TGFBR3: variants seen among roughly 807,000 people sequenced by gnomAD.
TGFBR3 encodes transforming growth factor beta receptor 3.
Under a neutral mutation model 87.9 loss-of-function variants are expected in TGFBR3, and 46 were observed. That is an observed-to-expected ratio of 0.52 (90% CI 0.41 to 0.67). The LOEUF is 0.67. Among genes scored for constraint, TGFBR3 ranks in the 30% least tolerant of loss-of-function variants. The pLI is 0.00. For synonymous variants in TGFBR3, 381 were observed against 391.6 expected (o/e 0.97, Z 0.32); for missense variants, 866 against 1,041.9 (o/e 0.83, Z 2.32).
chr1:91,852,475 G>T (rs1435394578), intron 2 of TGFBR3, among the ~76,000 whole-genome samples: 1 of 152,218 alleles, frequency 6.6e-6, no homozygotes, highest in Non-Finnish European at 1.5e-5. Context: ...TAATGGAGAA[G>T]GTAGGTGGGG....
intron 4 of TGFBR3, among the ~76,000 whole-genome samples, chr1:91,738,504 C>T (rs1673041890): frequency 6.6e-6 from 1 of 152,116 alleles, no homozygotes; most frequent in Admixed American, 6.5e-5. Context: ...GTGTGTGGCA[C>T]CTCCCCCGAC....
At chr1:91,692,440 G>A (rs974451118) in intron 16 of TGFBR3, among the ~76,000 whole-genome samples, 1 of 151,920 alleles carries the variant, frequency 6.6e-6, no homozygotes, top group Non-Finnish European at 1.5e-5. Flanking sequence ...TAAACTATTT[G>A]CATGTACTAC....
chr1:91,691,974 G>A (rs1022905379), intron 16 of TGFBR3, among the ~76,000 whole-genome samples: 1 of 152,074 alleles, frequency 6.6e-6, no homozygotes, highest in African/African-American at 2.4e-5. Flanking sequence ...CTCCAGCCCG[G>A]GTGACAGAGC....
At chr1:91,800,955 GTA>G (rs1296309986) in intron 2 of TGFBR3, 10 of 201,396 alleles carry the variant, frequency 5.0e-5, no homozygotes, top group South Asian at 1.4e-4. Context: ...TTGGTGGCGT[GTA>G]CCTGTAATCC....
At chr1:91,870,152 A>C (rs1247659796) in intron 1 of TGFBR3, among the ~76,000 whole-genome samples, 2 of 152,208 alleles carry the variant, frequency 1.3e-5, no homozygotes, top group Non-Finnish European at 2.9e-5. Flanking sequence ...GCACACAAAA[A>C]ACCTGAATTT....
At chr1:91,813,285 G>A (rs1286027337) in intron 2 of TGFBR3, among the ~76,000 whole-genome samples, 1 of 152,160 alleles carries the variant, frequency 6.6e-6, no homozygotes, top group African/African-American at 2.4e-5. Flanking sequence ...CACTAAAGGT[G>A]AACTGTTGGG....
intron 6 of TGFBR3, among the ~76,000 whole-genome samples, chr1:91,729,226 C>T (rs1006073192): frequency 9.9e-5 from 14 of 140,808 alleles, no homozygotes; most frequent in African/African-American, 3.8e-4. Context: ...CAAGTTCTAT[C>T]GAATGGCTCT....
rs373312953 is a variant in TGFBR3 at position 91,719,349 on chromosome 1, C to T, written c.1529G>A (p.Arg510Gln). ...SPLNGCGTRP[R>Q]WSALDGVVYY... ...GACCACACCATCAAGGGCTGACCAC[C>T]GGGGCCGAGTACCGCAGCCATTCAG... Residue 510 changes from arginine to glutamine, a missense_variant, in exon 10 of 17, where the codon CGG (arginine) becomes CAG (glutamine). Arg to Gln is a conservative substitution (Grantham distance 43). Transcript: ENST00000212355. The T allele has an allele frequency of 3.8e-5, 61 of 1,614,022 alleles. No homozygotes were observed. The highest frequency in any genetic ancestry group is 2.5e-4 in the African/African-American group (19 of 74,904).
intron 1 of TGFBR3, among the ~76,000 whole-genome samples, chr1:91,875,736 A>AAATTAGCTGGGCATGGTG (rs1678764003): frequency 1.5e-5 from 2 of 133,858 alleles, no homozygotes; most frequent in South Asian, 4.8e-4. Context: ...AAAAATAGAA[A>AAATTAGCTGGGCATGGTG]AATTAGCTGG....
rs1292260546 is a variant in TGFBR3, at chr1:91,683,335, A to ACTAT, written c.*400_*403dup. On this transcript the variant is annotated 3_prime_UTR_variant, in exon 17 of 17. Coordinates refer to ENST00000212355, the MANE Select transcript of TGFBR3 (RefSeq NM_003243.5). ...TTGGCCGCATCTCCTCACTGGTTCT[A>ACTAT]CTATCTGGCTATTAACCCTTTACCA... 3.2e-5 allele frequency: 15 copies of ACTAT among 470,460 alleles called. No individual in the cohort carries two copies. The highest frequency in any genetic ancestry group is 5.9e-5 in the Non-Finnish European group (14 of 237,856). The allele number at this position is 470,460 out of a possible 1,614,324, so 29.1% of individuals were successfully genotyped here. A position where few individuals can be genotyped will look rare whatever the true frequency, so the allele number is the denominator to read the frequency against.
chr1:91,905,613 T>C (rs1679828998), intron 1 of TGFBR3, among the ~76,000 whole-genome samples: 2 of 151,866 alleles, frequency 1.3e-5, no homozygotes, highest in South Asian at 4.2e-4. Context: ...TTTGTATTTT[T>C]AGTAGAGACG....
intron 4 of TGFBR3, among the ~76,000 whole-genome samples, chr1:91,740,759 T>C (rs1273680606): frequency 6.6e-6 from 1 of 152,214 alleles, no homozygotes; most frequent in African/African-American, 2.4e-5. Context: ...AGGTCATTCC[T>C]CTAGTCTACC....
At chr1:91,899,087 T>C (rs17881497) in intron 2 of TGFBR3, among the ~76,000 whole-genome samples, 1 of 152,212 alleles carries the variant, frequency 6.6e-6, no homozygotes, top group Non-Finnish European at 1.5e-5. Context: ...TTGTACAGCT[T>C]GGTGACTATG....
intron 5 of TGFBR3, among the ~76,000 whole-genome samples, 174 bp from the exon 6 acceptor site, chr1:91,730,147 T>C (rs1672714023): frequency 6.6e-6 from 1 of 152,210 alleles, no homozygotes; most frequent in Non-Finnish European, 1.5e-5. Context: ...CATCCTGTTA[T>C]GGTCACCAGT....
intron 2 of TGFBR3, among the ~76,000 whole-genome samples, chr1:91,846,928 CA>C (rs1382914986): frequency 6.6e-5 from 10 of 152,016 alleles, no homozygotes; most frequent in African/African-American, 2.4e-4. Flanking sequence ...AAAAAGCTAG[CA>C]GGGGGGCAAA....
At chr1:91,700,755 T>C (rs1035811519) in intron 14 of TGFBR3, among the ~76,000 whole-genome samples, 15 of 152,206 alleles carry the variant, frequency 9.9e-5, no homozygotes, top group African/African-American at 1.7e-4. Flanking sequence ...ACAACAATGA[T>C]GCCTTACATT....
intron 4 of TGFBR3, among the ~76,000 whole-genome samples, chr1:91,738,773 T>C (rs1673048809): frequency 6.6e-6 from 1 of 152,236 alleles, no homozygotes; most frequent in Non-Finnish European, 1.5e-5. Flanking sequence ...CAAAGATTTA[T>C]GGAGTGCCTG....
At chr1:91,833,108 A>G (rs1047008188) in intron 2 of TGFBR3, among the ~76,000 whole-genome samples, 23 of 151,560 alleles carry the variant, frequency 1.5e-4, no homozygotes, top group Non-Finnish European at 1.2e-4. Context: ...TGACCTGGCC[A>G]ACATAGCGAA....
At chr1:91,888,453 A>C (rs187316811), upstream of TGFBR3, among the ~76,000 whole-genome samples, 23 of 152,308 alleles carry the variant, frequency 1.5e-4, no homozygotes, top group East Asian at 4.4e-3. Flanking sequence ...CTATAATCTC[A>C]GCAATTTGGG....
Sources: gnomAD v4.1 joint callset for allele counts (sites outside exome capture counted in the v4.1 genomes callset) on GRCh38, gnomAD v4.1.1 for gene constraint, MANE v1.5 for transcripts, NCBI Gene and HGNC (gene_info 2026-07-23, HGNC 2026-07-21) for gene names.